The following PPFIA2 variants were observed in gnomAD, a reference collection of about 807,000 sequenced individuals.
PPFIA2 encodes liprin-alpha-2.
A neutral mutation model predicts 175.5 loss-of-function variants in PPFIA2; 46 were observed. The observed-to-expected ratio is 0.26, with a 90% CI of 0.21 to 0.34. PPFIA2 has a LOEUF of 0.34. PPFIA2 is among the 10% of genes least tolerant of loss of function. The pLI is 1.00. For missense variants in PPFIA2, 1,179 were observed against 1,506.1 expected, an observed-to-expected ratio of 0.78 and a Z score of 3.60; for synonymous variants, 568 against 511.4, an observed-to-expected ratio of 1.11 and a Z score of -1.49.
chr12:81,365,120 T>C (rs1352695859), intron 14 of PPFIA2, among the ~76,000 whole-genome samples: 3 of 151,754 alleles, frequency 2.0e-5, no homozygotes, highest in Non-Finnish European at 4.4e-5. Flanking sequence ...GGAGATCAGA[T>C]GAAGTCACTA....
At chr12:81,343,580 G>A (rs561099259) in intron 19 of PPFIA2, among the ~76,000 whole-genome samples, 2 of 152,096 alleles carry the variant, frequency 1.3e-5, no homozygotes, top group South Asian at 2.1e-4. Flanking sequence ...CAATGTTTGG[G>A]TGTAAGCTGA....
intron 13 of PPFIA2, among the ~76,000 whole-genome samples, chr12:81,367,934 A>G (rs1038713889): frequency 1.3e-5 from 2 of 151,796 alleles, no homozygotes; most frequent in African/African-American, 4.8e-5. Context: ...AGAGGAAGTC[A>G]TGTCTTATTA....
At chr12:81,612,084 C>G (rs2060981273) in intron 4 of PPFIA2, among the ~76,000 whole-genome samples, 1 of 151,972 alleles carries the variant, frequency 6.6e-6, no homozygotes, top group Non-Finnish European at 1.5e-5. Flanking sequence ...CCAATATCTG[C>G]TCAAATTATG....
At chr12:81,401,858 T>G (rs2142761689) in intron 8 of PPFIA2, among the ~76,000 whole-genome samples, 1 of 152,312 alleles carries the variant, frequency 6.6e-6, no homozygotes, top group African/African-American at 2.4e-5. Flanking sequence ...AAAATTTGTA[T>G]TATCCTTGAA....
intron 4 of PPFIA2, among the ~76,000 whole-genome samples, chr12:81,504,621 T>G (rs2060946917): frequency 6.6e-6 from 1 of 152,188 alleles, no homozygotes; most frequent in Non-Finnish European, 1.5e-5. Flanking sequence ...AAATACCATT[T>G]GACCCAGCAA....
intron 4 of PPFIA2, among the ~76,000 whole-genome samples, chr12:81,504,950 C>G (rs1381566889): frequency 6.6e-6 from 1 of 152,070 alleles, no homozygotes; most frequent in Non-Finnish European, 1.5e-5. Flanking sequence ...ACAATGAGAA[C>G]ACATGGACAC....
Position 81,344,590 on chromosome 12 carries a change from G to A in PPFIA2, c.2262+74C>T, listed in dbSNP as rs145331452. On this transcript the variant is annotated intron_variant, in intron 19 of 32. Transcript: ENST00000549396. ...ATGTTTTATCAACATTCGACTAGAG[G>A]GAATATTATTTTAAAGCTTTCATAG... The A allele has an allele frequency of 5.6e-4, 587 of 1,056,952 alleles. 7 individuals are homozygous for A. In the African/African-American group the frequency reaches 8.1e-3, roughly 15 times the overall value. 65.5% of individuals were successfully genotyped at this position (1,056,952 alleles called of 1,614,324 possible).
intron 7 of PPFIA2, chr12:81,430,481 T>A (rs930314176): frequency 1.3e-5 from 2 of 151,918 alleles, no homozygotes; most frequent in Admixed American, 1.3e-4. Context: ...TAATCCTCCA[T>A]GCCTTCAAGA....
intron 4 of PPFIA2, among the ~76,000 whole-genome samples, chr12:81,615,675 T>C (rs1258701176): frequency 1.3e-5 from 2 of 152,240 alleles, no homozygotes; most frequent in East Asian, 3.9e-4. Context: ...TCTGGCTTTA[T>C]TGGAGGGTTA....
At chr12:81,293,266 A>C (rs1486162333) in intron 24 of PPFIA2, among the ~76,000 whole-genome samples, 1 of 152,068 alleles carries the variant, frequency 6.6e-6, no homozygotes, top group Non-Finnish European at 1.5e-5. Context: ...ACAAATAATT[A>C]AATACTATTT....
At chr12:81,427,002 GTATT>G (rs1399682430) in intron 7 of PPFIA2, among the ~76,000 whole-genome samples, 9 of 151,998 alleles carry the variant, frequency 5.9e-5, no homozygotes, top group Admixed American at 1.3e-4. Context: ...TTTTATCAAA[GTATT>G]TGGCATTTTT....
intron 12 of PPFIA2, 40 bp downstream of exon 12, chr12:81,369,070 TA>T: frequency 6.7e-7 from 1 of 1,488,520 alleles, no homozygotes. Context: ...TACGAATTCA[TA>T]AACCAATGAT....
intron 4 of PPFIA2, among the ~76,000 whole-genome samples, chr12:81,540,182 A>C (rs2065994565): frequency 6.6e-6 from 1 of 152,172 alleles, no homozygotes; most frequent in South Asian, 2.1e-4. Context: ...AAGCAAACAA[A>C]CCAAAATAAA....
chr12:81,576,553 TTTTTG>T (rs1294106817), intron 4 of PPFIA2, among the ~76,000 whole-genome samples: 3 of 151,782 alleles, frequency 2.0e-5, no homozygotes, highest in African/African-American at 7.3e-5. Flanking sequence ...TGACTAATGG[TTTTTG>T]TTTTGTTTTG....
intron 15 of PPFIA2, among the ~76,000 whole-genome samples, chr12:81,360,976 C>T (rs2029889475): frequency 6.6e-6 from 1 of 151,568 alleles, no homozygotes; most frequent in Non-Finnish European, 1.5e-5. Flanking sequence ...TTAAGGAAAA[C>T]AGGTTTCCAA....
chr12:81,508,036 T>G (rs550844746), intron 4 of PPFIA2, among the ~76,000 whole-genome samples: 1 of 152,292 alleles, frequency 6.6e-6, no homozygotes, highest in East Asian at 1.9e-4. Context: ...CATAAATAAG[T>G]GCTAAGTTCC....
intron 9 of PPFIA2, among the ~76,000 whole-genome samples, chr12:81,383,490 A>G (rs2038230858): frequency 6.6e-6 from 1 of 152,096 alleles, no homozygotes; most frequent in Admixed American, 6.6e-5. Flanking sequence ...CAAGAGACTG[A>G]GAAATGACTA....
At chr12:81,674,969 A>G (rs2072197810) in intron 4 of PPFIA2, among the ~76,000 whole-genome samples, 1 of 152,002 alleles carries the variant, frequency 6.6e-6, no homozygotes, top group South Asian at 2.1e-4. Flanking sequence ...GAACCCCTAG[A>G]TTAGCTAAGC....
At chr12:81,523,557 C>CT (rs572537281) in intron 4 of PPFIA2, among the ~76,000 whole-genome samples, 1 of 152,084 alleles carries the variant, frequency 6.6e-6, no homozygotes, top group African/African-American at 2.4e-5. Flanking sequence ...ATACTCCATC[C>CT]TTTTTTTCAT....
Sources: allele counts gnomAD v4.1 joint callset (sites outside exome capture counted in the v4.1 genomes callset), GRCh38; gene constraint gnomAD v4.1.1; transcripts MANE v1.5; gene names NCBI Gene and HGNC (gene_info 2026-07-23, HGNC 2026-07-21).